GABRG1: variants seen among roughly 807,000 people sequenced by gnomAD.
GABRG1 encodes gamma-aminobutyric acid type A receptor subunit gamma1, also known as gamma-aminobutyric acid receptor subunit gamma-1.
GABRG1 carries 49 observed loss-of-function variants against 49.8 expected under a neutral mutation model. The observed-to-expected ratio is 0.98, with a 90% CI of 0.78 to 1.25. GABRG1 has a LOEUF of 1.25. GABRG1 is among the 50% of genes most tolerant of loss of function. The pLI, the probability that GABRG1 is intolerant of heterozygous loss-of-function variation, is 0.00. For synonymous variants in GABRG1, 232 were observed against 185.1 expected, an observed-to-expected ratio of 1.25 and a Z score of -2.06; for missense variants, 552 against 552.3, an observed-to-expected ratio of 1.00 and a Z score of 0.01.
intron 4 of GABRG1, 76 bp downstream of exon 4, chr4:46,065,286 AAT>A: frequency 1.9e-6 from 2 of 1,034,302 alleles, no homozygotes; most frequent in South Asian, 3.5e-5. Flanking sequence ...AACTTTGAGA[AAT>A]AAAAAATTAA....
rs1378403177 is a variant in GABRG1, at chr4:46,056,150, TTAAAAAAAAAAA to T, written c.916+2055_916+2066del. 2.6e-4 allele frequency among the ~76,000 whole-genome samples: 12 copies of T among 46,068 alleles called. 2 individuals are homozygous for T. The highest frequency in any genetic ancestry group is 1.9e-3 in the East Asian group (2 of 1,050). 30.2% of individuals were successfully genotyped at this position (46,068 alleles called of 152,430 possible). ...AAAAAAAAAAAAATAAATAAATAAATTAAAAAAAAAAAAAAAAAAAAAAAAAAAAATAGTCTC... is the reference window on the plus strand; with the variant it reads ...AAAAAAAAAAAAATAAATAAATAAATAAAAAAAAAAAAAAAAAATAGTCTC... On this transcript the variant is annotated intron_variant, in intron 7 of 8. Coordinates refer to ENST00000295452, the MANE Select transcript of GABRG1 (RefSeq NM_173536.4).
chr4:46,045,670 G>T (rs1717967299), intron 8 of GABRG1, among the ~76,000 whole-genome samples: 1 of 151,828 alleles, frequency 6.6e-6, no homozygotes, highest in Admixed American at 6.6e-5. Flanking sequence ...TCACAATAAT[G>T]AATTCAGAAG....
chr4:46,041,202 G>T lies in GABRG1; in HGVS notation c.1184C>A (p.Ser395Tyr). 6.2e-7 allele frequency: 1 copy of T among 1,612,824 alleles called. No individual in the cohort carries two copies. Among genetic ancestry groups the T allele is most frequent in the Non-Finnish European group, 8.5e-7 (1 of 1,179,212 alleles). ...GSTLIPMNNISVPQEDDYGYQ... is the reference protein window; with the variant it reads ...GSTLIPMNNIYVPQEDDYGYQ... The stretch of plus-strand genomic sequence containing the variant: ...CCCATAATCATCTTCTTGCGGCACA[G>T]AAATATTATTCATTGGAATCAGAGT... Residue 395 changes from serine to tyrosine, a missense_variant, in exon 9 of 9, where the codon TCT becomes TAT. Transcript: ENST00000295452.
chr4:46,076,362 C>CAT (rs1203391424), intron 3 of GABRG1, among the ~76,000 whole-genome samples: 4,386 of 76,708 alleles, frequency 0.057, 141 homozygotes, highest in East Asian at 0.12. Context: ...AGGTCATGTT[C>CAT]ATATATATAT....
chr4:46,111,519 G>A (rs1194718416), intron 1 of GABRG1, among the ~76,000 whole-genome samples: 1 of 151,030 alleles, frequency 6.6e-6, no homozygotes, highest in African/African-American at 2.4e-5. Context: ...AACAAAAAAG[G>A]AGCCCAAATA....
intron 1 of GABRG1, among the ~76,000 whole-genome samples, chr4:46,102,757 A>G (rs1297667414): frequency 6.6e-6 from 1 of 151,630 alleles, no homozygotes; most frequent in Non-Finnish European, 1.5e-5. Flanking sequence ...GTATGTGGGA[A>G]AAAAACCTTT....
chr4:46,052,365 T>C (rs747371918), intron 7 of GABRG1, among the ~76,000 whole-genome samples: 129 of 151,974 alleles, frequency 8.5e-4, no homozygotes, highest in Admixed American at 3.2e-3. Flanking sequence ...CATAGCTTTT[T>C]GTTATATAAT....
intron 2 of GABRG1, among the ~76,000 whole-genome samples, chr4:46,089,180 G>A (rs1719891519): frequency 6.6e-6 from 1 of 151,968 alleles, no homozygotes; most frequent in South Asian, 2.1e-4. Context: ...AAGGAGTTAA[G>A]GCAGGTGGAA....
chr4:46,097,195 G>A lies in GABRG1; in HGVS notation c.253+6C>T, dbSNP rs2109431330. ...TCAAAATCCCAGAATGGTAACTCAA[G>A]CTTACCTCCTATATCTGGACGAAGT... On this transcript the variant is annotated splice_donor_region_variant and intron_variant, in intron 2 of 8. Coordinates refer to ENST00000295452, the MANE Select transcript of GABRG1 (RefSeq NM_173536.4). 6.3e-7 allele frequency: 1 copy of A among 1,597,644 alleles called. No homozygotes were observed. The highest frequency in any genetic ancestry group is 8.5e-7 in the Non-Finnish European group (1 of 1,172,690).
chr4:46,047,842 G>A (rs1246641186), intron 8 of GABRG1, among the ~76,000 whole-genome samples: 2 of 151,650 alleles, frequency 1.3e-5, no homozygotes, highest in Admixed American at 6.6e-5. Flanking sequence ...TTGTATTTGC[G>A]ATGCATTTTT....
chr4:46,110,751 T>C (rs28859640), intron 1 of GABRG1, among the ~76,000 whole-genome samples: 14,230 of 150,836 alleles, frequency 0.094, 1,656 homozygotes, highest in African/African-American at 0.28. Flanking sequence ...AAAAAAAACA[T>C]GTAATCATCT....
At chr4:46,118,253 T>TCTAA (rs1277672373) in intron 1 of GABRG1, among the ~76,000 whole-genome samples, 1 of 149,290 alleles carries the variant, frequency 6.7e-6, no homozygotes, top group Admixed American at 6.7e-5. Flanking sequence ...GATCTATCTA[T>TCTAA]CTATCTATCT....
intron 2 of GABRG1, among the ~76,000 whole-genome samples, chr4:46,096,716 G>C (rs976255752): frequency 2.0e-5 from 3 of 151,552 alleles, no homozygotes; most frequent in Non-Finnish European, 3.0e-5. Flanking sequence ...TAAAAAAGAC[G>C]TTTAAGCAAG....
intron 3 of GABRG1, among the ~76,000 whole-genome samples, chr4:46,068,430 A>G (rs1015794713): frequency 6.6e-6 from 1 of 152,232 alleles, no homozygotes; most frequent in East Asian, 1.9e-4. Context: ...AATACTGCTT[A>G]GCAGCTGCAG....
At chr4:46,100,156 G>A (rs1446323011) in intron 1 of GABRG1, among the ~76,000 whole-genome samples, 1 of 151,656 alleles carries the variant, frequency 6.6e-6, no homozygotes, top group African/African-American at 2.4e-5. Context: ...TTTGTTATAT[G>A]ATTTCCTTCA....
chr4:46,091,590 G>A (rs1421088958), intron 2 of GABRG1, among the ~76,000 whole-genome samples: 1 of 152,014 alleles, frequency 6.6e-6, no homozygotes, highest in East Asian at 1.9e-4. Context: ...AAAATCAGGT[G>A]TAAATACTAC....
chr4:46,109,859 C>G (rs1414532474), intron 1 of GABRG1, among the ~76,000 whole-genome samples: 2 of 150,998 alleles, frequency 1.3e-5, no homozygotes, highest in Non-Finnish European at 3.0e-5. Context: ...TATTTTTATT[C>G]CACTGTGGTC....
intron 1 of GABRG1, among the ~76,000 whole-genome samples, chr4:46,102,427 T>A (rs1416950387): frequency 6.6e-6 from 1 of 151,712 alleles, no homozygotes; most frequent in Non-Finnish European, 1.5e-5. Context: ...TAGAAGGGTA[T>A]TGCACTCAGA....
chr4:46,066,613 A>G (rs1195321412), intron 3 of GABRG1, among the ~76,000 whole-genome samples: 1 of 152,174 alleles, frequency 6.6e-6, no homozygotes, highest in Non-Finnish European at 1.5e-5. Flanking sequence ...TGGTGGTTAT[A>G]GTGAAGTCTG....
Sources: allele counts gnomAD v4.1 joint callset (sites outside exome capture counted in the v4.1 genomes callset), GRCh38; gene constraint gnomAD v4.1.1; transcripts MANE v1.5; gene names NCBI Gene and HGNC (gene_info 2026-07-23, HGNC 2026-07-21).